LAMA2: variants seen among roughly 807,000 people sequenced by gnomAD.
LAMA2 encodes the protein laminin subunit alpha 2.
Under a neutral mutation model 364.8 loss-of-function variants are expected in LAMA2, and 269 were observed. The ratio of observed to expected loss-of-function variants is 0.74; its 90% confidence interval spans 0.67 to 0.82. The LOEUF is 0.82. Among genes scored for constraint, LAMA2 ranks in the 40% least tolerant of loss-of-function variants. The pLI, the probability that LAMA2 is intolerant of heterozygous loss-of-function variation, is 0.00. For synonymous variants in LAMA2, 1,379 were observed against 1,370.6 expected (o/e 1.01, Z -0.14); for missense variants, 3,807 against 3,873.2 (o/e 0.98, Z 0.45).
At chr6:128,916,020 T>G (rs1291224853) in intron 1 of LAMA2, among the ~76,000 whole-genome samples, 1 of 152,202 alleles carries the variant, frequency 6.6e-6, no homozygotes, top group Non-Finnish European at 1.5e-5. Context: ...AATATTTAAT[T>G]GCATGTGTAC....
Position 129,402,317 on chromosome 6 carries a change from A to C in LAMA2, c.5563-7A>C, listed in dbSNP as rs756511326. 3.7e-6 allele frequency: 6 copies of C among 1,612,396 alleles called. No individual in the cohort carries two copies. Among genetic ancestry groups the C allele is most frequent in the Middle Eastern group, 1.6e-4 (1 of 6,072 alleles). On this transcript the variant is annotated splice_region_variant and splice_polypyrimidine_tract_variant and intron_variant, in intron 38 of 64. Transcript: ENST00000421865. ...TTGCTTAAAATGCCCTCTTCTCTAC[A>C]TATCAGTATGTTGAAGACATCCAAA...
At chr6:129,318,385 C>G (rs1774747727) in intron 27 of LAMA2, among the ~76,000 whole-genome samples, 1 of 151,790 alleles carries the variant, frequency 6.6e-6, no homozygotes, top group African/African-American at 2.4e-5. Flanking sequence ...ATCCCTGATG[C>G]AATCAAAGCC....
At chr6:128,890,854 A>T (rs1776412882) in intron 1 of LAMA2, among the ~76,000 whole-genome samples, 1 of 152,158 alleles carries the variant, frequency 6.6e-6, no homozygotes, top group African/African-American at 2.4e-5. Flanking sequence ...AGAACCAAAC[A>T]GATATACCTA....
intron 51 of LAMA2, among the ~76,000 whole-genome samples, chr6:129,470,923 A>T (rs1331750246): frequency 6.6e-6 from 1 of 151,932 alleles, no homozygotes; most frequent in Non-Finnish European, 1.5e-5. Flanking sequence ...AGTCCCTGAC[A>T]GAAGTGTGCC....
intron 4 of LAMA2, among the ~76,000 whole-genome samples, chr6:129,124,614 A>G (rs1404920532): frequency 1.3e-5 from 2 of 152,132 alleles, no homozygotes; most frequent in Non-Finnish European, 2.9e-5. Flanking sequence ...GAAGTCTCAT[A>G]TGTTCTGTCA....
At chr6:129,436,132 A>G (rs897744266) in intron 41 of LAMA2, among the ~76,000 whole-genome samples, 2 of 152,202 alleles carry the variant, frequency 1.3e-5, no homozygotes, top group African/African-American at 4.8e-5. Context: ...ACAGAAATAT[A>G]TGCACACAGA....
Position 129,349,295 on chromosome 6 carries a change from C to G in LAMA2, c.4437-3C>G. The G allele has an allele frequency of 3.1e-6, 5 of 1,612,184 alleles. No homozygotes were observed. Among genetic ancestry groups the G allele is most frequent in the South Asian group, 1.1e-5 (1 of 91,036 alleles). On this transcript the variant is annotated splice_polypyrimidine_tract_variant and splice_region_variant and intron_variant, in intron 30 of 64. Coordinates refer to ENST00000421865, the MANE Select transcript of LAMA2 (RefSeq NM_000426.4). ...TTTTGCAATCCTTTTCTTTCTGATT[C>G]AGTTTCAGCCCCTCTTGTGTCGCAG...
rs566116004 is a variant in LAMA2 at position 129,117,706 on chromosome 6, T to C, written c.639+19291T>C. Among the ~76,000 whole-genome samples, 5 of 152,350 alleles carry C rather than the reference T, an allele frequency of 3.3e-5. No homozygotes were observed. In the East Asian group the frequency reaches 9.6e-4, roughly 29 times the overall value. The stretch of plus-strand genomic sequence containing the variant: ...TAATAGCTCACATTCCCCGATCACA[T>C]GCCTTGTGCCAAGTACCATTCTAAA... On this transcript the variant is annotated intron_variant, in intron 4 of 64. Transcript: ENST00000421865.
chr6:129,253,094 T>C (rs1786381460), intron 14 of LAMA2, among the ~76,000 whole-genome samples: 1 of 138,816 alleles, frequency 7.2e-6, no homozygotes, highest in African/African-American at 3.3e-5. Flanking sequence ...CGGGTCTGAT[T>C]AACTGCTGTA....
chr6:129,265,158 G>A (rs543496570), intron 15 of LAMA2, among the ~76,000 whole-genome samples: 12 of 152,254 alleles, frequency 7.9e-5, no homozygotes, highest in African/African-American at 2.4e-4. Context: ...TATTTCTTTA[G>A]GAGGAAGGAC....
intron 3 of LAMA2, among the ~76,000 whole-genome samples, chr6:129,096,135 T>A (rs1583034002): frequency 6.6e-6 from 1 of 152,328 alleles, no homozygotes; most frequent in African/African-American, 2.4e-5. Flanking sequence ...TGAATTTCTA[T>A]ATAAAGACAT....
chr6:129,229,531 C>T (rs962710512), intron 12 of LAMA2, among the ~76,000 whole-genome samples: 5 of 152,118 alleles, frequency 3.3e-5, no homozygotes, highest in Non-Finnish European at 7.4e-5. Context: ...GAAACACAGA[C>T]ATGTAATGAT....
chr6:129,326,662 A>C (rs1775305529), intron 28 of LAMA2, among the ~76,000 whole-genome samples: 1 of 148,190 alleles, frequency 6.7e-6, no homozygotes, highest in Non-Finnish European at 1.5e-5. Flanking sequence ...GCATGCACCT[A>C]GCAAGTATGT....
chr6:129,013,726 T>C (rs1294484655), intron 1 of LAMA2, among the ~76,000 whole-genome samples: 1 of 152,074 alleles, frequency 6.6e-6, no homozygotes, highest in African/African-American at 2.4e-5. Flanking sequence ...TTTAGAAATA[T>C]TTATTTGGTT....
intron 15 of LAMA2, among the ~76,000 whole-genome samples, chr6:129,261,886 T>C (rs1202209857): frequency 6.6e-6 from 1 of 152,106 alleles, no homozygotes; most frequent in Non-Finnish European, 1.5e-5. Flanking sequence ...TAATTATGGA[T>C]ATCAATTAGC....
chr6:129,487,148 A>G (rs1207784563), intron 56 of LAMA2, among the ~76,000 whole-genome samples: 1 of 152,166 alleles, frequency 6.6e-6, no homozygotes, highest in Non-Finnish European at 1.5e-5. Context: ...GTCCCTGCAG[A>G]GTGGCTTTCT....
intron 12 of LAMA2, among the ~76,000 whole-genome samples, chr6:129,209,688 T>A (rs1782953922): frequency 6.6e-6 from 1 of 152,136 alleles, no homozygotes; most frequent in Non-Finnish European, 1.5e-5. Flanking sequence ...TTTGCATCAG[T>A]CATCTGGAGT....
intron 20 of LAMA2, among the ~76,000 whole-genome samples, chr6:129,294,078 T>C (rs893309376): frequency 6.6e-6 from 1 of 152,186 alleles, no homozygotes; most frequent in Non-Finnish European, 1.5e-5. Flanking sequence ...GGAGACAGCA[T>C]AGCCTTCTGC....
intron 1 of LAMA2, among the ~76,000 whole-genome samples, chr6:128,943,967 C>A (rs115541232): frequency 6.6e-6 from 1 of 152,094 alleles, no homozygotes; most frequent in South Asian, 2.1e-4. Context: ...TAGAGTGATA[C>A]GTCTGTTATG....
Sources: gnomAD v4.1 joint callset for allele counts (sites outside exome capture counted in the v4.1 genomes callset) on GRCh38, gnomAD v4.1.1 for gene constraint, MANE v1.5 for transcripts, NCBI Gene and HGNC (gene_info 2026-07-23, HGNC 2026-07-21) for gene names.